Variants in SPATA13 observed in about 807,000 individuals in gnomAD.
The protein encoded by SPATA13 is spermatogenesis associated 13.
A neutral mutation model predicts 104.0 loss-of-function variants in SPATA13; 50 were observed. The ratio of observed to expected loss-of-function variants is 0.48; its 90% CI spans 0.38 to 0.61. SPATA13 has a LOEUF of 0.61. Ranked by LOEUF, SPATA13 falls within the 20% of genes least tolerant of loss-of-function variation. SPATA13 has a pLI of 0.00. For synonymous variants in SPATA13, 606 were observed against 667.5 expected (o/e 0.91, Z 1.42); for missense variants, 1,524 against 1,690.6 (o/e 0.90, Z 1.73).
At chr13:24,184,239 A>T (rs1869004116) in intron 1 of SPATA13, among the ~76,000 whole-genome samples, 3 of 152,174 alleles carry the variant, frequency 2.0e-5, no homozygotes, top group Admixed American at 2.0e-4. Context: ...TGGATGTGGA[A>T]ATTCCATACA....
At chr13:24,174,255 G>A (rs549048083) in intron 1 of SPATA13, among the ~76,000 whole-genome samples, 39 of 152,192 alleles carry the variant, frequency 2.6e-4, no homozygotes, top group East Asian at 7.7e-4. Context: ...AGAGTTGCTC[G>A]TATTATCAGT....
chr13:24,192,240 C>T (rs9507267), intron 1 of SPATA13, among the ~76,000 whole-genome samples: 2 of 151,958 alleles, frequency 1.3e-5, no homozygotes, highest in African/African-American at 4.8e-5. Context: ...CCCCTCCCCC[C>T]ACACCTTATC....
At chr13:24,098,594 T>TAAA (rs34901396) in intron 3 of SPATA13, among the ~76,000 whole-genome samples, 1 of 88,258 alleles carries the variant, frequency 1.1e-5, no homozygotes, top group African/African-American at 3.3e-5. Flanking sequence ...GAGACTGTCT[T>TAAA]AAAAAAAAAA....
intron 3 of SPATA13, chr13:24,122,060 A>G: frequency 6.4e-7 from 1 of 1,568,894 alleles, no homozygotes; most frequent in Non-Finnish European, 8.8e-7. Flanking sequence ...AAAGAAAGAG[A>G]TAACTCAATT....
chr13:24,114,022 T>C (rs1233199883), intron 3 of SPATA13, among the ~76,000 whole-genome samples: 1 of 152,162 alleles, frequency 6.6e-6, no homozygotes, highest in Non-Finnish European at 1.5e-5. Flanking sequence ...GGGATGAAAA[T>C]GTTTTCTACA....
At chr13:24,141,636 C>T (rs1566119147) in intron 3 of SPATA13, among the ~76,000 whole-genome samples, 2 of 152,254 alleles carry the variant, frequency 1.3e-5, no homozygotes, top group South Asian at 4.1e-4. Context: ...GGGAAGGGCA[C>T]GAGTCATGTT....
At position 23,996,242 on chromosome 13, in the gene SPATA13, G is replaced by A. The variant is rs190949326; in HGVS notation, c.-147+12309G>A. ...CTTCTGAGGCCATGAGGGAGAGTCC[G>A]CCGCCTTGCCTTTCCACCTTCTAGA... On this transcript the variant is annotated intron_variant, in intron 2 of 14. Coordinates refer to the SPATA13 transcript ENST00000424834. Among the ~76,000 whole-genome samples, 117 of 152,234 alleles carry A rather than the reference G, an allele frequency of 7.7e-4. 1 individual carries two copies. In the South Asian group the frequency reaches 9.3e-3, roughly 12 times the overall value.
intron 3 of SPATA13, among the ~76,000 whole-genome samples, chr13:24,089,418 G>A (rs942456872): frequency 7.9e-5 from 12 of 152,216 alleles, no homozygotes; most frequent in African/African-American, 2.9e-4. Context: ...AAGGACCAGA[G>A]GGGCACAAGA....
At chr13:24,044,645 T>A (rs1234093810) in intron 3 of SPATA13, among the ~76,000 whole-genome samples, 5 of 152,212 alleles carry the variant, frequency 3.3e-5, no homozygotes, top group African/African-American at 1.2e-4. Flanking sequence ...ATATCCATCA[T>A]CTCATACTTG....
intron 4 of SPATA13, among the ~76,000 whole-genome samples, chr13:24,253,686 G>C (rs868582469): frequency 4.6e-5 from 7 of 152,150 alleles, no homozygotes; most frequent in African/African-American, 1.7e-4. Flanking sequence ...AGGAGCAGGT[G>C]GGGGAGATAG....
At chr13:24,218,494 T>G (rs1466047548) in intron 1 of SPATA13, among the ~76,000 whole-genome samples, 1 of 152,182 alleles carries the variant, frequency 6.6e-6, no homozygotes, top group Non-Finnish European at 1.5e-5. Context: ...AGGGGTCACA[T>G]GTTCCCTAGG....
intron 1 of SPATA13, among the ~76,000 whole-genome samples, chr13:24,207,301 G>T (rs866536648): frequency 1.6e-4 from 24 of 152,192 alleles, no homozygotes; most frequent in African/African-American, 4.8e-4. Context: ...AGGATGATAC[G>T]TGCAGCAAAC....
chr13:24,012,374 C>G (rs997424331), intron 2 of SPATA13, among the ~76,000 whole-genome samples: 2 of 152,222 alleles, frequency 1.3e-5, no homozygotes, highest in Non-Finnish European at 2.9e-5. Context: ...GGGGACATCA[C>G]CAGCAGATGC....
At chr13:24,108,115 T>G (rs564580846) in intron 3 of SPATA13, among the ~76,000 whole-genome samples, 2 of 152,282 alleles carry the variant, frequency 1.3e-5, no homozygotes, top group Middle Eastern at 3.4e-3. Flanking sequence ...GAGGGGTGAA[T>G]GCTGTGCCAT....
chr13:24,243,178 A>T (rs750375192), intron 2 of SPATA13, among the ~76,000 whole-genome samples: 4 of 152,204 alleles, frequency 2.6e-5, no homozygotes, highest in Non-Finnish European at 4.4e-5. Context: ...CACGTCACTC[A>T]TCCATACTTC....
At chr13:24,104,708 A>G (rs573135657) in intron 3 of SPATA13, among the ~76,000 whole-genome samples, 11 of 152,364 alleles carry the variant, frequency 7.2e-5, no homozygotes, top group African/African-American at 2.4e-4. Flanking sequence ...CTGAGGATCT[A>G]TCTAAATAAT....
chr13:24,286,109 A>G lies in SPATA13; in HGVS notation c.2302-105A>G, dbSNP rs1875915765. On this transcript the variant is annotated intron_variant, in intron 5 of 12. Coordinates refer to ENST00000382108, the MANE Select transcript of SPATA13 (RefSeq NM_001166271.3). This position sits in a 1 kb window ranked among gnomAD's most constrained non-coding sequence, Gnocchi z 4.9. The stretch of plus-strand genomic sequence containing the variant: ...GGACCAAATGCCACCAGCATATCCA[A>G]GTGAGAGGATACCAGTGTCACCCTG... 3 of 1,086,166 alleles carry G rather than the reference A, an allele frequency of 2.8e-6. No individual in the cohort carries two copies. The highest frequency in any genetic ancestry group is 4.0e-6 in the Non-Finnish European group (3 of 754,280). 67.3% of individuals were successfully genotyped at this position (1,086,166 alleles called of 1,614,324 possible). A position where few individuals can be genotyped will look rare whatever the true frequency, so the allele number is the denominator to read the frequency against.
At chr13:24,020,771 A>C (rs1169379886) in intron 3 of SPATA13, among the ~76,000 whole-genome samples, 2 of 152,166 alleles carry the variant, frequency 1.3e-5, no homozygotes, top group Non-Finnish European at 2.9e-5. Context: ...GGGCCGGGCG[A>C]GATGACTCAT....
chr13:24,042,365 A>C (rs143203514), intron 3 of SPATA13, among the ~76,000 whole-genome samples: 91 of 152,364 alleles, frequency 6.0e-4, no homozygotes, highest in African/African-American at 1.8e-3. Flanking sequence ...TGGAAAGCCA[A>C]TGATGCAGTT....
Sources: allele counts gnomAD v4.1 joint callset (sites outside exome capture counted in the v4.1 genomes callset), GRCh38; gene constraint gnomAD v4.1.1; non-coding constraint Gnocchi (gnomAD v3.1); transcripts MANE v1.5; gene names NCBI Gene and HGNC (gene_info 2026-07-23, HGNC 2026-07-21).